XKR9: variants seen among roughly 807,000 people sequenced by gnomAD.
XKR9 encodes XK-related protein 9.
A neutral mutation model predicts 32.0 loss-of-function variants in XKR9; 32 were observed. The ratio of observed to expected loss-of-function variants is 1.00; its 90% CI spans 0.76 to 1.34. The LOEUF (loss-of-function observed/expected upper bound fraction) is 1.34, where lower values mean the gene tolerates loss of function less well. Among genes scored for constraint, XKR9 ranks in the 40% most tolerant of loss-of-function variants. The pLI is 0.00. For synonymous variants in XKR9, 168 were observed against 143.4 expected (o/e 1.17, Z -1.22); for missense variants, 546 against 429.7 (o/e 1.27, Z -2.39).
At chr8:70,909,312 G>A in the XKR9 span, among the ~76,000 whole-genome samples, 1 of 152,056 alleles carries the variant, frequency 6.6e-6, no homozygotes, top group Admixed American at 6.6e-5. Flanking sequence ...TTGTTTGTAT[G>A]TTTTGTCTCA....
At chr8:70,797,322 G>A in the XKR9 span, among the ~76,000 whole-genome samples, 1 of 152,090 alleles carries the variant, frequency 6.6e-6, no homozygotes, top group Non-Finnish European at 1.5e-5. Flanking sequence ...AAAGCAGGAG[G>A]ATACCAAGAC....
chr8:70,685,494 A>ATAC (rs1211525226), intron 3 of XKR9, among the ~76,000 whole-genome samples: 1 of 147,876 alleles, frequency 6.8e-6, no homozygotes, highest in Admixed American at 6.8e-5. Flanking sequence ...TTAAAGTATA[A>ATAC]TAATAATAAT....
At chr8:70,750,991 G>C (rs76901026) in intron 2 of XKR9, among the ~76,000 whole-genome samples, 13,132 of 152,212 alleles carry the variant, frequency 0.086, 1,148 homozygotes, top group Admixed American at 0.27. Flanking sequence ...TTGAACATGT[G>C]AATAGAGCAG....
chr8:70,986,806 C>T, the XKR9 span, among the ~76,000 whole-genome samples: 4 of 152,242 alleles, frequency 2.6e-5, no homozygotes, highest in East Asian at 1.9e-4. Context: ...TGTCTTTGTC[C>T]GTTTTCACAC....
the XKR9 span, among the ~76,000 whole-genome samples, chr8:70,929,881 A>G: frequency 4.6e-5 from 7 of 152,208 alleles, no homozygotes; most frequent in African/African-American, 1.7e-4. Flanking sequence ...CTTTAACTGC[A>G]TCTGCAAAGT....
chr8:70,776,601 C>T (rs1807523522), intron 2 of XKR9, among the ~76,000 whole-genome samples: 1 of 151,930 alleles, frequency 6.6e-6, no homozygotes, highest in Admixed American at 6.6e-5. Flanking sequence ...CCTGCAACTC[C>T]CTCCAGATCA....
chr8:70,720,936 T>C (rs1349521515), intron 4 of XKR9, among the ~76,000 whole-genome samples: 1 of 152,156 alleles, frequency 6.6e-6, no homozygotes, highest in Non-Finnish European at 1.5e-5. Context: ...GTCCTGGGCT[T>C]TGTTCGGTTG....
At chr8:70,971,382 A>G in the XKR9 span, among the ~76,000 whole-genome samples, 1 of 151,426 alleles carries the variant, frequency 6.6e-6, no homozygotes, top group South Asian at 2.1e-4. Context: ...GGATGTGTAG[A>G]TTGTGAAGAT....
At chr8:70,833,557 C>G in the XKR9 span, among the ~76,000 whole-genome samples, 36 of 152,104 alleles carry the variant, frequency 2.4e-4, no homozygotes, top group African/African-American at 8.4e-4. Context: ...AGAAGCTATA[C>G]CTCCACTGCC....
At chr8:70,965,809 T>C in the XKR9 span, among the ~76,000 whole-genome samples, 1 of 152,154 alleles carries the variant, frequency 6.6e-6, no homozygotes, top group Non-Finnish European at 1.5e-5. Context: ...CCCTTATCTT[T>C]TCTGATTGTG....
intron 2 of XKR9, among the ~76,000 whole-genome samples, chr8:70,741,353 C>T (rs1471326649): frequency 6.6e-6 from 1 of 152,172 alleles, no homozygotes; most frequent in African/African-American, 2.4e-5. Context: ...GCAAAGAGGC[C>T]CTCATCAGAT....
chr8:71,050,270 G>GATATAGATATAGAT, the XKR9 span, among the ~76,000 whole-genome samples: 11 of 123,722 alleles, frequency 8.9e-5, no homozygotes, highest in African/African-American at 3.4e-4. Context: ...TAGATAGATA[G>GATATAGATATAGAT]ATAGATATAG....
chr8:70,695,181 TTTA>T (rs1334214090), intron 3 of XKR9, among the ~76,000 whole-genome samples: 4 of 151,400 alleles, frequency 2.6e-5, no homozygotes, highest in East Asian at 1.9e-4. Context: ...TTTTTTTTAT[TTTA>T]TTATTATTAT....
At chr8:70,877,092 A>G in the XKR9 span, among the ~76,000 whole-genome samples, 1 of 152,154 alleles carries the variant, frequency 6.6e-6, no homozygotes, top group South Asian at 2.1e-4. Context: ...GAAACTTACA[A>G]TCATGGCAGA....
At chr8:70,736,068 A>G (rs1323311433), downstream of XKR9, 2 of 152,232 alleles carry the variant, frequency 1.3e-5, no homozygotes, top group Non-Finnish European at 1.5e-5. Flanking sequence ...GAACGAGTTT[A>G]CAGTCCCAGC....
intron 2 of XKR9, among the ~76,000 whole-genome samples, chr8:70,767,572 C>G (rs1361835209): frequency 7.5e-6 from 1 of 133,296 alleles, no homozygotes; most frequent in Non-Finnish European, 1.5e-5. Context: ...GATCTTGGTT[C>G]TGCAAGCTCT....
At chr8:70,965,011 T>A in the XKR9 span, among the ~76,000 whole-genome samples, 1 of 152,170 alleles carries the variant, frequency 6.6e-6, no homozygotes, top group Non-Finnish European at 1.5e-5. Context: ...AGAGAGGGCA[T>A]CCTTGTGTTG....
rs1805742585 is a variant in XKR9, at chr8:70,707,028, A to G, written c.368A>G (p.Glu123Gly). The change falls in exon 4 of 5, where the codon GAA becomes GGA. Residue 123 changes from glutamate (E) to glycine (G), a missense_variant. Transcript: ENST00000408926. The part of the protein sequence containing the change: ...FVEEQIDLHK[E>G]VIDRVTDLSM... The stretch of plus-strand genomic sequence containing the variant: ...GAAGAACAAATTGATCTACATAAAG[A>G]AGTTATAGATAGAGTGACTGATTTG... The G allele has an allele frequency of 1.2e-6, 2 of 1,613,426 alleles. No individual in the cohort carries two copies. Among genetic ancestry groups the G allele is most frequent in the Non-Finnish European group, 1.7e-6 (2 of 1,179,494 alleles).
At chr8:70,918,767 C>CTTT in the XKR9 span, among the ~76,000 whole-genome samples, 4 of 87,810 alleles carry the variant, frequency 4.6e-5, no homozygotes, top group Non-Finnish European at 7.5e-5. Context: ...ATCATGGGAT[C>CTTT]CTTTTTTTTT....
Sources: allele counts gnomAD v4.1 joint callset (sites outside exome capture counted in the v4.1 genomes callset), GRCh38; gene constraint gnomAD v4.1.1; transcripts MANE v1.5; gene names NCBI Gene and HGNC (gene_info 2026-07-23, HGNC 2026-07-21).